LRP5: variants seen among roughly 807,000 people sequenced by gnomAD.
LRP5 encodes LDL receptor related protein 5.
Under a neutral mutation model 154.1 loss-of-function variants are expected in LRP5, and 62 were observed. That is an observed-to-expected ratio of 0.40 (90% CI 0.33 to 0.50). The LOEUF is 0.50. Ranked by LOEUF, LRP5 falls within the 20% of genes least tolerant of loss-of-function variation. The pLI, the probability that LRP5 is intolerant of heterozygous loss-of-function variation, is 0.55. For missense variants in LRP5, 1,915 were observed against 2,336.7 expected, an observed-to-expected ratio of 0.82 and a Z score of 3.72; for synonymous variants, 966 against 1,011.5, an observed-to-expected ratio of 0.96 and a Z score of 0.85.
chr11:68,383,972 G>C (rs905624989), intron 5 of LRP5, among the ~76,000 whole-genome samples: 3 of 152,214 alleles, frequency 2.0e-5, no homozygotes, highest in African/African-American at 7.2e-5. Context: ...AGATGCCCCT[G>C]ACCAGATCTA....
chr11:68,439,936 A>C lies in LRP5; in HGVS notation c.4488+20A>C. 1 of 464,498 alleles carries C rather than the reference A, an allele frequency of 2.2e-6. No individual in the cohort carries two copies. The highest frequency in any genetic ancestry group is 3.7e-6 in the Non-Finnish European group (1 of 270,584). The allele number at this position is 464,498 out of a possible 1,614,324, so 28.8% of individuals were successfully genotyped here. Reference sequence around the variant, plus strand: ...CCGCCGGTGAGGGGCGGGGCCGGGGAGGGGCGGGGCGGGATGGGGCTGTGG... The same window carrying C: ...CCGCCGGTGAGGGGCGGGGCCGGGGCGGGGCGGGGCGGGATGGGGCTGTGG... On this transcript the variant is annotated intron_variant, in intron 21 of 22. Coordinates refer to ENST00000294304, the MANE Select transcript of LRP5 (RefSeq NM_002335.4).
chr11:68,313,543 C>T (rs1050483046), intron 1 of LRP5, among the ~76,000 whole-genome samples: 4 of 152,176 alleles, frequency 2.6e-5, no homozygotes, highest in African/African-American at 7.2e-5. Flanking sequence ...TTCTCTCCAA[C>T]TTTTGGTGTT....
intron 1 of LRP5, among the ~76,000 whole-genome samples, chr11:68,328,366 CA>C (rs1215017671): frequency 1.3e-5 from 2 of 152,232 alleles, no homozygotes; most frequent in Non-Finnish European, 2.9e-5. Context: ...AAAGCTGGTA[CA>C]AAGGTATGTT....
intron 18 of LRP5, 150 bp from the exon 19 acceptor site, chr11:68,436,739 G>A (rs1479877666): frequency 1.6e-6 from 1 of 632,576 alleles, no homozygotes; most frequent in East Asian, 2.8e-5. Context: ...GAGGGTGGGT[G>A]GAGACTGTAC....
At chr11:68,406,910 A>G (rs919932480) in intron 9 of LRP5, 97 bp downstream of exon 9, 40 of 1,228,466 alleles carry the variant, frequency 3.3e-5, no homozygotes, top group Admixed American at 1.6e-4. Flanking sequence ...TTAAAGCACT[A>G]TCGTATTTAT....
At position 68,386,678 on chromosome 11, in the gene LRP5, G is replaced by A. The variant is rs866606166; in HGVS notation, c.1378G>A (p.Glu460Lys). The A allele has an allele frequency of 6.8e-6, 11 of 1,613,274 alleles. No homozygotes were observed. The highest frequency in any genetic ancestry group is 1.1e-5 in the South Asian group (1 of 91,078). The change falls in exon 6 of 23, where the codon GAG (glutamate) becomes AAG (lysine). Residue 460 changes from glutamate to lysine, a missense_variant. Physicochemically the swap from Glu to Lys is moderately conservative, Grantham distance 56. Around this residue, in one of 3 missense-constraint regions of LRP5, gnomAD observed 773 missense variants for 1,100.9 expected, o/e 0.70. Transcript: ENST00000294304. The surrounding 1 kb of genome is among the most constrained non-coding windows in gnomAD (Gnocchi z 7.9). The part of the protein sequence containing the change: ...RKILVSEDLD[E>K]PRAIALHPVM... The stretch of plus-strand genomic sequence containing the variant: ...GATCCTGGTGTCGGAGGACCTGGAC[G>A]AGCCCCGAGCCATCGCACTGCACCC...
chr11:68,445,525 C>T (rs1457973002), intron 21 of LRP5: 1 of 1,117,822 alleles, frequency 8.9e-7, no homozygotes, highest in Non-Finnish European at 1.2e-6. Flanking sequence ...CCTGAGAGAA[C>T]TGAGTCCCTC....
chr11:68,331,537 G>A (rs370765474), intron 1 of LRP5, among the ~76,000 whole-genome samples: 1 of 152,362 alleles, frequency 6.6e-6, no homozygotes, highest in South Asian at 2.1e-4. Context: ...ACCCGGAGGC[G>A]CCTGTCCTGT....
At chr11:68,300,925 AT>A in the LRP5 span, among the ~76,000 whole-genome samples, 35,406 of 145,824 alleles carry the variant, frequency 0.24, 6,240 homozygotes, top group African/African-American at 0.33. Context: ...TCATTAATTT[AT>A]TTTTTTTTTA....
At chr11:68,309,129 T>C (rs1456203564), upstream of LRP5, among the ~76,000 whole-genome samples, 3 of 151,796 alleles carry the variant, frequency 2.0e-5, no homozygotes, top group Non-Finnish European at 4.4e-5. Context: ...GAGATGGAGT[T>C]TCACCATGTT....
At chr11:68,429,530 G>T in intron 16 of LRP5, 45 bp from the exon 17 acceptor site, 1 of 1,612,820 alleles carries the variant, frequency 6.2e-7, no homozygotes, top group South Asian at 1.1e-5. Context: ...GTTCTGAGGT[G>T]GGAGACAGAG....
chr11:68,415,872 C>T lies in LRP5; in HGVS notation c.2828-456C>T, dbSNP rs1387515673. On this transcript the variant is annotated intron_variant, in intron 12 of 22. Transcript: ENST00000294304. ...GAGATCGAGACCATCCTGGCTAACACGGTGAAACCCGTCTCTACTAAAAAT... is the reference window on the plus strand; with the variant it reads ...GAGATCGAGACCATCCTGGCTAACATGGTGAAACCCGTCTCTACTAAAAAT... Among the ~76,000 whole-genome samples the T allele has an allele frequency of 3.7e-3, 231 of 63,220 alleles. 76 individuals carry two copies. Among genetic ancestry groups the T allele is most frequent in the African/African-American group, 8.0e-3 (212 of 26,622 alleles). The allele number at this position is 63,220 out of a possible 152,430, so 41.5% of individuals were successfully genotyped here.
chr11:68,342,624 G>GT (rs1414845673), intron 1 of LRP5, among the ~76,000 whole-genome samples: 1 of 152,190 alleles, frequency 6.6e-6, no homozygotes, highest in East Asian at 1.9e-4. Context: ...TTGCTTCTAA[G>GT]TGCCTTAGAA....
intron 3 of LRP5, 131 bp downstream of exon 3, chr11:68,357,978 C>T (rs1309879986): frequency 1.2e-6 from 1 of 869,424 alleles, no homozygotes; most frequent in African/African-American, 1.7e-5. Flanking sequence ...CAGGACTTCT[C>T]AGAACTTGGA....
chr11:68,337,619 G>C (rs545068469), intron 1 of LRP5, among the ~76,000 whole-genome samples: 24 of 150,484 alleles, frequency 1.6e-4, no homozygotes, highest in African/African-American at 5.9e-4. Context: ...CACTCTAACC[G>C]CAGCCAGATC....
chr11:68,336,758 C>T (rs1158388827), intron 1 of LRP5, among the ~76,000 whole-genome samples: 1 of 152,200 alleles, frequency 6.6e-6, no homozygotes, highest in Non-Finnish European at 1.5e-5. Context: ...CGTGAGCCAC[C>T]GTGCCCGGCC....
chr11:68,305,403 AC>A, the LRP5 span, among the ~76,000 whole-genome samples: 1 of 151,482 alleles, frequency 6.6e-6, no homozygotes, highest in Non-Finnish European at 1.5e-5. Flanking sequence ...GAGCCAGTTA[AC>A]CCCTTTCTTT....
rs3736229 is a variant in LRP5 at position 68,436,977 on chromosome 11, C to T, written c.4089C>T (p.Asp1363=). 1.4e-3 allele frequency: 2,179 copies of T among 1,613,612 alleles called. 18 individuals carry two copies. In the East Asian group the frequency reaches 0.016, roughly 12 times the overall value. The part of the protein sequence containing the change: ...QQCDSFPDCI[D]GSDELMCEIT... ...GCGACTCCTTCCCCGACTGTATCGA[C>T]GGCTCCGACGAGCTCATGTGTGGTG... The change falls in exon 19 of 23, where the codon GAC becomes GAT. Residue 1363 remains aspartate, a synonymous_variant. Transcript: ENST00000294304.
chr11:68,447,041 A>C lies in LRP5; in HGVS notation c.4586+508A>C. The C allele has an allele frequency of 5.3e-6, 1 of 187,766 alleles. No homozygotes were observed. Among genetic ancestry groups the C allele is most frequent in the South Asian group, 9.7e-5 (1 of 10,276 alleles). 11.6% of individuals were successfully genotyped at this position (187,766 alleles called of 1,614,324 possible). On this transcript the variant is annotated intron_variant, in intron 22 of 22. Transcript: ENST00000294304. The surrounding 1 kb of genome is among the most constrained non-coding windows in gnomAD (Gnocchi z 4.3). ...CCACAGTGGCCTGTTTGAGCCCGGGAAGCCAACGGGGCTGCTCAGCTGGAC... is the reference window on the plus strand; with the variant it reads ...CCACAGTGGCCTGTTTGAGCCCGGGCAGCCAACGGGGCTGCTCAGCTGGAC...
Sources: allele counts gnomAD v4.1 joint callset (sites outside exome capture counted in the v4.1 genomes callset), GRCh38; gene constraint gnomAD v4.1.1; regional missense constraint gnomAD v4.1.1; non-coding constraint Gnocchi (gnomAD v3.1); transcripts MANE v1.5; gene names NCBI Gene and HGNC (gene_info 2026-07-23, HGNC 2026-07-21).